SNTG1: variants seen among roughly 807,000 people sequenced by gnomAD.
SNTG1 encodes gamma-1-syntrophin.
In SNTG1, 39 loss-of-function variants were observed where a neutral mutation model predicts 74.7. That is an observed-to-expected ratio of 0.52 (90% CI 0.40 to 0.68). The LOEUF (loss-of-function observed/expected upper bound fraction) is 0.68, where lower values mean the gene tolerates loss of function less well. Ranked by LOEUF, SNTG1 falls within the 30% of genes least tolerant of loss-of-function variation. The pLI, the probability that SNTG1 is intolerant of heterozygous loss-of-function variation, is 0.00. For missense variants in SNTG1, 685 were observed against 609.5 expected, an observed-to-expected ratio of 1.12 and a Z score of -1.30; for synonymous variants, 254 against 217.1, an observed-to-expected ratio of 1.17 and a Z score of -1.49.
chr8:50,228,902 G>A (rs2085475589), intron 2 of SNTG1, among the ~76,000 whole-genome samples: 1 of 151,678 alleles, frequency 6.6e-6, no homozygotes, highest in Non-Finnish European at 1.5e-5. Context: ...ATTCTTGGCT[G>A]AAAATATAGC....
At chr8:49,996,445 G>A (rs1053214932) in intron 1 of SNTG1, among the ~76,000 whole-genome samples, 3 of 151,634 alleles carry the variant, frequency 2.0e-5, no homozygotes, top group Admixed American at 1.3e-4. Context: ...CCATGTCCTT[G>A]CCTTCTCCTT....
At chr8:50,331,257 C>A (rs1170371341) in intron 2 of SNTG1, among the ~76,000 whole-genome samples, 1 of 152,100 alleles carries the variant, frequency 6.6e-6, no homozygotes, top group Non-Finnish European at 1.5e-5. Context: ...GTCTTTACAG[C>A]AGCACACCTT....
intron 2 of SNTG1, among the ~76,000 whole-genome samples, chr8:50,360,183 G>A (rs1344309760): frequency 1.3e-5 from 2 of 151,262 alleles, no homozygotes; most frequent in African/African-American, 4.9e-5. Flanking sequence ...AAACTAAATA[G>A]TGCTTCCTAG....
At chr8:50,215,594 A>C (rs1231925994) in intron 2 of SNTG1, among the ~76,000 whole-genome samples, 1 of 151,276 alleles carries the variant, frequency 6.6e-6, no homozygotes, top group Non-Finnish European at 1.5e-5. Flanking sequence ...TTAGGTTTAT[A>C]ACAAAGGTGA....
At chr8:50,406,004 C>A (rs185941952) in intron 4 of SNTG1, among the ~76,000 whole-genome samples, 23 of 152,088 alleles carry the variant, frequency 1.5e-4, no homozygotes, top group African/African-American at 5.1e-4. Context: ...AGCTTTATAG[C>A]AAATTTTGAA....
At chr8:50,450,787 G>A in intron 8 of SNTG1, 58 bp downstream of exon 8, 1 of 1,531,060 alleles carries the variant, frequency 6.5e-7, no homozygotes, top group Non-Finnish European at 9.0e-7. Context: ...AGAATTTAGT[G>A]CATTGCTAAA....
At chr8:50,203,804 T>C (rs1369051405) in intron 2 of SNTG1, among the ~76,000 whole-genome samples, 1 of 149,652 alleles carries the variant, frequency 6.7e-6, no homozygotes, top group African/African-American at 2.4e-5. Context: ...GTGTTCGTAA[T>C]AAAATCTTGT....
At chr8:50,112,128 G>A (rs1434085347) in intron 1 of SNTG1, among the ~76,000 whole-genome samples, 1 of 151,998 alleles carries the variant, frequency 6.6e-6, no homozygotes, top group African/African-American at 2.4e-5. Flanking sequence ...AATTTGAGAT[G>A]ACAGAAAAGA....
intron 12 of SNTG1, among the ~76,000 whole-genome samples, chr8:50,568,060 T>C (rs1304811399): frequency 5.9e-5 from 9 of 152,132 alleles, no homozygotes; most frequent in Non-Finnish European, 1.0e-4. Flanking sequence ...TCTACTTCTG[T>C]GAAAACAACT....
At chr8:50,788,027 G>C (rs1235686823) in intron 18 of SNTG1, among the ~76,000 whole-genome samples, 1 of 151,914 alleles carries the variant, frequency 6.6e-6, no homozygotes, top group Non-Finnish European at 1.5e-5. Context: ...GCAGAAAAAA[G>C]GTGAATGACA....
intron 13 of SNTG1, among the ~76,000 whole-genome samples, chr8:50,639,654 A>C (rs2095060375): frequency 6.6e-6 from 1 of 151,948 alleles, no homozygotes; most frequent in Non-Finnish European, 1.5e-5. Flanking sequence ...ATTAAATTAC[A>C]CCTCTGCTAC....
At chr8:50,727,754 C>T (rs892111371) in intron 17 of SNTG1, among the ~76,000 whole-genome samples, 10 of 152,210 alleles carry the variant, frequency 6.6e-5, no homozygotes, top group Non-Finnish European at 1.3e-4. Context: ...GGCTAACTCA[C>T]ACTGTCATCC....
intron 1 of SNTG1, among the ~76,000 whole-genome samples, chr8:50,150,897 T>G (rs1238444313): frequency 6.6e-6 from 1 of 152,156 alleles, no homozygotes; most frequent in African/African-American, 2.4e-5. Context: ...TCTGCCAGGC[T>G]TTGGTATCAG....
At chr8:50,730,737 G>A (rs2095511012) in intron 17 of SNTG1, among the ~76,000 whole-genome samples, 1 of 152,066 alleles carries the variant, frequency 6.6e-6, no homozygotes, top group Admixed American at 6.6e-5. Flanking sequence ...AAATATGAAG[G>A]AGGCAATATT....
chr8:50,110,665 G>C (rs2080549184), intron 1 of SNTG1, among the ~76,000 whole-genome samples: 1 of 152,086 alleles, frequency 6.6e-6, no homozygotes, highest in Non-Finnish European at 1.5e-5. Flanking sequence ...AACATATTTA[G>C]TATATTTTTT....
In SNTG1 at chr8:50,333,846, A is replaced by G. The variant is rs538880674; in HGVS notation, c.-27-60366A>G. On this transcript the variant is annotated intron_variant, in intron 2 of 18. Transcript: ENST00000642720. ...TCAAATTAAAGAAGGAATTAAGACT[A>G]CTAAGGTAATTCTTAGGACAAATGA... 8.5e-5 allele frequency among the ~76,000 whole-genome samples: 13 copies of G among 152,354 alleles called. 1 individual carries two copies. Among genetic ancestry groups the G allele is most frequent in the African/African-American group, 3.1e-4 (13 of 41,592 alleles).
At chr8:50,400,771 A>T (rs922141289) in intron 3 of SNTG1, among the ~76,000 whole-genome samples, 1 of 152,134 alleles carries the variant, frequency 6.6e-6, no homozygotes, top group Non-Finnish European at 1.5e-5. Context: ...AGTTGAGAGT[A>T]GAATAGTGGT....
At chr8:50,076,025 A>G (rs1563557043) in intron 1 of SNTG1, among the ~76,000 whole-genome samples, 1 of 152,210 alleles carries the variant, frequency 6.6e-6, no homozygotes, top group Admixed American at 6.5e-5. Flanking sequence ...AACATAACAG[A>G]TCATACAAGG....
intron 17 of SNTG1, chr8:50,747,871 C>T (rs1198367321): frequency 1.3e-5 from 2 of 151,568 alleles, no homozygotes; most frequent in African/African-American, 4.9e-5. Context: ...GGTAGCTAGG[C>T]CTACAGGCTC....
Sources: allele counts gnomAD v4.1 joint callset (sites outside exome capture counted in the v4.1 genomes callset), GRCh38; gene constraint gnomAD v4.1.1; transcripts MANE v1.5; gene names NCBI Gene and HGNC (gene_info 2026-07-23, HGNC 2026-07-21).